Variants in SLIT1 observed in about 807,000 individuals in gnomAD.
The protein encoded by SLIT1 is slit homolog 1 protein.
In SLIT1, 66 loss-of-function variants were observed where a neutral mutation model predicts 186.1. The ratio of observed to expected loss-of-function variants is 0.35; its 90% CI spans 0.29 to 0.44. The LOEUF (loss-of-function observed/expected upper bound fraction) is 0.44. SLIT1 is among the 20% of genes least tolerant of loss of function. SLIT1 has a pLI of 1.00. For synonymous variants in SLIT1, 761 were observed against 833.8 expected, an observed-to-expected ratio of 0.91 and a Z score of 1.50; for missense variants, 1,638 against 2,037.4, an observed-to-expected ratio of 0.80 and a Z score of 3.77.
intron 1 of SLIT1, among the ~76,000 whole-genome samples, chr10:97,179,563 T>C (rs1850302647): frequency 2.0e-5 from 3 of 152,264 alleles, no homozygotes; most frequent in Admixed American, 2.0e-4. Flanking sequence ...GGATTCAAAC[T>C]GGGCCATTCT....
chr10:97,109,241 G>A (rs569961407), intron 4 of SLIT1, among the ~76,000 whole-genome samples: 62 of 151,270 alleles, frequency 4.1e-4, no homozygotes, highest in Non-Finnish European at 7.4e-4. Context: ...GTGAGAAATA[G>A]ATGAAAAGAC....
At chr10:97,163,486 T>A in intron 2 of SLIT1, 35 bp from the exon 3 acceptor site, 3 of 1,597,044 alleles carry the variant, frequency 1.9e-6, no homozygotes, top group Non-Finnish European at 2.6e-6. Context: ...AGCTACAGGG[T>A]GTGGGACAAG....
Position 97,166,554 on chromosome 10 carries a change from G to GAGA in SLIT1, c.198-1665_198-1664insTCT, listed in dbSNP as rs1491239491. 4.5e-3 allele frequency among the ~76,000 whole-genome samples: 159 copies of GAGA among 35,284 alleles called. 1 individual carries two copies. Among genetic ancestry groups the GAGA allele is most frequent in the Non-Finnish European group, 7.0e-3 (138 of 19,586 alleles). The allele number at this position is 35,284 out of a possible 152,430, so 23.1% of individuals were successfully genotyped here. On this transcript the variant is annotated intron_variant, in intron 1 of 36. Transcript: ENST00000266058. ...AAGAAGGAAGGAAGGAAGGAAGGAAGGAAAGAGAGAGAGAGAGAAAGAAAG... is the reference window on the plus strand; with the variant it reads ...AAGAAGGAAGGAAGGAAGGAAGGAAGAGAGAAAGAGAGAGAGAGAGAAAGAAAG...
chr10:97,084,753 G>C (rs1315894355), intron 4 of SLIT1, among the ~76,000 whole-genome samples: 3 of 148,894 alleles, frequency 2.0e-5, no homozygotes, highest in East Asian at 2.0e-4. Flanking sequence ...TTGCAGGCGA[G>C]TGCCACCACG....
intron 13 of SLIT1, among the ~76,000 whole-genome samples, chr10:97,052,719 G>A (rs926502868): frequency 2.0e-5 from 3 of 152,184 alleles, no homozygotes; most frequent in Non-Finnish European, 2.9e-5. Flanking sequence ...CAGGGACTTC[G>A]CCACAGATCT....
At position 97,037,703 on chromosome 10, in the gene SLIT1, C is replaced by T; in HGVS notation, c.2361G>A (p.Gln787=). The change falls in exon 22 of 37, where the codon CAG becomes CAA. Residue 787 remains glutamine (Q), a synonymous_variant. Transcript: ENST00000266058. ...CAAGCGGCCTGGATACTTACACGAG[C>T]TGCAGGTACTTGAAGGTAGACAGCT... is the stretch of plus-strand genomic sequence containing the variant. ...PGQLSTFKYL[Q]LVDLSNNKIS... 6.2e-7 allele frequency: 1 copy of T among 1,609,148 alleles called. No individual in the cohort carries two copies. Among genetic ancestry groups the T allele is most frequent in the Non-Finnish European group, 8.5e-7 (1 of 1,175,976 alleles).
chr10:97,135,805 G>C (rs1384047948), intron 4 of SLIT1, among the ~76,000 whole-genome samples: 1 of 152,212 alleles, frequency 6.6e-6, no homozygotes, highest in Non-Finnish European at 1.5e-5. Flanking sequence ...CCAGGTCGGG[G>C]AGTGGGTCCC....
intron 23 of SLIT1, 86 bp downstream of exon 23, chr10:97,034,385 T>G: frequency 1.0e-6 from 1 of 971,148 alleles, no homozygotes; most frequent in Non-Finnish European, 1.7e-6. Context: ...GCGAGGGATC[T>G]GGGAGCAAAA....
chr10:97,086,538 A>T (rs1470775703), intron 4 of SLIT1, among the ~76,000 whole-genome samples: 1 of 152,202 alleles, frequency 6.6e-6, no homozygotes, highest in Non-Finnish European at 1.5e-5. Flanking sequence ...AGATCGTGCC[A>T]CTGCACTCCA....
intron 4 of SLIT1, among the ~76,000 whole-genome samples, chr10:97,103,924 C>T (rs1462541676): frequency 1.3e-5 from 2 of 152,106 alleles, no homozygotes; most frequent in East Asian, 1.9e-4. Context: ...ACTCCCACGG[C>T]GGGAGTGCAG....
chr10:97,184,885 G>C lies in SLIT1; in HGVS notation c.197+593C>G, dbSNP rs989206533. Among the ~76,000 whole-genome samples, 23 of 152,180 alleles carry C rather than the reference G, an allele frequency of 1.5e-4. No homozygotes were observed. Among genetic ancestry groups the C allele is most frequent in the African/African-American group, 5.3e-4 (22 of 41,440 alleles). ...TGTCTGCCTGTGTTGGGGATGGCTG[G>C]GTGTGGAGGGAGGCGGGTGAGTAGG... On this transcript the variant is annotated intron_variant, in intron 1 of 36. Coordinates refer to ENST00000266058, the MANE Select transcript of SLIT1 (RefSeq NM_003061.3). The surrounding 1 kb of genome is among the most constrained non-coding windows in gnomAD (Gnocchi z 4.4).
intron 13 of SLIT1, among the ~76,000 whole-genome samples, chr10:97,054,245 A>G (rs1474451332): frequency 2.0e-5 from 3 of 151,842 alleles, no homozygotes; most frequent in Non-Finnish European, 4.4e-5. Context: ...GATTATTTAA[A>G]AGAGCATGGC....
At chr10:97,124,646 C>A (rs1180450297) in intron 4 of SLIT1, among the ~76,000 whole-genome samples, 1 of 152,118 alleles carries the variant, frequency 6.6e-6, no homozygotes, top group Non-Finnish European at 1.5e-5. Context: ...CTTGAAGGTA[C>A]CCCCATGTTC....
At chr10:97,050,418 TTGGGAGC>T (rs1434740412) in intron 13 of SLIT1, among the ~76,000 whole-genome samples, 1 of 152,196 alleles carries the variant, frequency 6.6e-6, no homozygotes, top group Non-Finnish European at 1.5e-5. Flanking sequence ...GGCCCCCCGG[TTGGGAGC>T]TGGGTCCCTG....
At position 97,021,511 on chromosome 10, in the gene SLIT1, A is replaced by G; in HGVS notation, c.2583-98T>C. The G allele has an allele frequency of 8.9e-7, 1 of 1,121,298 alleles. No individual in the cohort carries two copies. Among genetic ancestry groups the G allele is most frequent in the Non-Finnish European group, 1.3e-6 (1 of 792,182 alleles). 69.5% of individuals were successfully genotyped at this position (1,121,298 alleles called of 1,614,324 possible). On this transcript the variant is annotated intron_variant, in intron 25 of 36. Transcript: ENST00000266058. This position sits in a 1 kb window ranked among gnomAD's most constrained non-coding sequence, Gnocchi z 4.5. ...CAGGCACTGCACCAGGGGCTGGCAAAAATCTTAGCCTCCATTTCATGAGCA... is the reference window on the plus strand; with the variant it reads ...CAGGCACTGCACCAGGGGCTGGCAAGAATCTTAGCCTCCATTTCATGAGCA...
At chr10:97,174,118 A>G (rs1292222739) in intron 1 of SLIT1, among the ~76,000 whole-genome samples, 2 of 152,060 alleles carry the variant, frequency 1.3e-5, no homozygotes, top group Non-Finnish European at 2.9e-5. Context: ...CTTCTAAACC[A>G]GCTTCCCCAG....
At position 97,004,859 on chromosome 10, in the gene SLIT1, C is replaced by G; in HGVS notation, c.3580-36G>C. 1 of 1,613,622 alleles carries G rather than the reference C, an allele frequency of 6.2e-7. No individual in the cohort carries two copies. Among genetic ancestry groups the G allele is most frequent in the South Asian group, 1.1e-5 (1 of 91,026 alleles). ...GTGGCACTTTCTCTCCCACCCCACC[C>G]CATGCAGCAGCGGCACAGGCTAGCA... On this transcript the variant is annotated intron_variant, in intron 32 of 36. Coordinates refer to ENST00000266058, the MANE Select transcript of SLIT1 (RefSeq NM_003061.3). This position sits in a 1 kb window ranked among gnomAD's most constrained non-coding sequence, Gnocchi z 5.1.
chr10:97,129,940 A>G (rs1452742246), intron 4 of SLIT1, among the ~76,000 whole-genome samples: 3 of 151,942 alleles, frequency 2.0e-5, no homozygotes, highest in African/African-American at 7.3e-5. Flanking sequence ...CACAAAACCC[A>G]CAACTACTCA....
At chr10:97,127,235 G>A (rs1457693402) in intron 4 of SLIT1, among the ~76,000 whole-genome samples, 3 of 151,586 alleles carry the variant, frequency 2.0e-5, no homozygotes, top group Non-Finnish European at 4.4e-5. Context: ...GCAGTGAGCC[G>A]AGATCACGCC....
Sources: allele counts gnomAD v4.1 joint callset (sites outside exome capture counted in the v4.1 genomes callset), GRCh38; gene constraint gnomAD v4.1.1; non-coding constraint Gnocchi (gnomAD v3.1); transcripts MANE v1.5; gene names NCBI Gene and HGNC (gene_info 2026-07-23, HGNC 2026-07-21).